UBE2E2: variants seen among roughly 807,000 people sequenced by gnomAD.
UBE2E2 encodes ubiquitin conjugating enzyme E2 E2.
In UBE2E2, 6 loss-of-function variants were observed where a neutral mutation model predicts 24.7. The ratio of observed to expected loss-of-function variants is 0.24; its 90% CI spans 0.13 to 0.48. The LOEUF (loss-of-function observed/expected upper bound fraction) is 0.48. UBE2E2 is among the 20% of genes least tolerant of loss of function. The probability of loss-of-function intolerance (pLI) is 0.99; values close to 1 mark genes in which losing one functional copy is unlikely to be tolerated. For missense variants in UBE2E2, 169 were observed against 245.0 expected (o/e 0.69, Z 2.07); for synonymous variants, 104 against 83.6 (o/e 1.24, Z -1.33).
chr3:23,361,806 C>T (rs147797648), intron 3 of UBE2E2, among the ~76,000 whole-genome samples: 7 of 151,140 alleles, frequency 4.6e-5, no homozygotes, highest in Non-Finnish European at 8.8e-5. Flanking sequence ...TCCCCAAAAA[C>T]TATTCATATA....
intron 5 of UBE2E2, among the ~76,000 whole-genome samples, chr3:23,588,527 C>A (rs747410838): frequency 6.6e-6 from 1 of 151,616 alleles, no homozygotes; most frequent in African/African-American, 2.4e-5. Flanking sequence ...AGCGATCCTG[C>A]TGCCTCAGCC....
Position 23,274,422 on chromosome 3 carries a change from G to C in UBE2E2, c.227+57110G>C, listed in dbSNP as rs554991108. 2.0e-5 allele frequency among the ~76,000 whole-genome samples: 3 copies of C among 152,172 alleles called. No homozygotes were observed. In the East Asian group the frequency reaches 5.8e-4, roughly 29 times the overall value. On this transcript the variant is annotated intron_variant, in intron 3 of 5. Transcript: ENST00000396703. ...CTGTGTTGCGGCAGGCTGCAGTGCA[G>C]TGGCAAGGTCACGGTTCACTGCATC...
At chr3:23,288,060 G>C (rs1256725130) in intron 3 of UBE2E2, among the ~76,000 whole-genome samples, 1 of 151,844 alleles carries the variant, frequency 6.6e-6, no homozygotes, top group Non-Finnish European at 1.5e-5. Flanking sequence ...CAGGCACTTG[G>C]AAGTATAAGC....
At chr3:23,384,225 C>T (rs1332337108) in intron 3 of UBE2E2, among the ~76,000 whole-genome samples, 1 of 152,180 alleles carries the variant, frequency 6.6e-6, no homozygotes, top group Non-Finnish European at 1.5e-5. Context: ...TATAGTGTCA[C>T]GAGCATGGCT....
intron 3 of UBE2E2, among the ~76,000 whole-genome samples, chr3:23,346,334 T>C (rs887167015): frequency 2.6e-5 from 4 of 152,236 alleles, no homozygotes; most frequent in African/African-American, 9.6e-5. Context: ...TTAGTACCTT[T>C]TATCTCTAGT....
intron 3 of UBE2E2, among the ~76,000 whole-genome samples, chr3:23,301,306 G>T (rs924829310): frequency 6.6e-6 from 1 of 152,190 alleles, no homozygotes; most frequent in Admixed American, 6.5e-5. Flanking sequence ...TCTCCGTCCA[G>T]CTTTGTTCTG....
intron 3 of UBE2E2, among the ~76,000 whole-genome samples, chr3:23,413,905 A>G (rs1416744768): frequency 1.3e-5 from 2 of 152,224 alleles, no homozygotes; most frequent in African/African-American, 4.8e-5. Context: ...AGAGATCAGT[A>G]TGAATGCATA....
chr3:23,231,989 C>T (rs1696986834), intron 3 of UBE2E2, among the ~76,000 whole-genome samples: 1 of 152,194 alleles, frequency 6.6e-6, no homozygotes, highest in Non-Finnish European at 1.5e-5. Flanking sequence ...GTTCAGCTGT[C>T]TGGAAGCCCT....
intron 4 of UBE2E2, among the ~76,000 whole-genome samples, chr3:23,508,291 T>G (rs1694499799): frequency 6.6e-6 from 1 of 152,254 alleles, no homozygotes; most frequent in Non-Finnish European, 1.5e-5. Flanking sequence ...ACCACCAGTT[T>G]AGTAATTACT....
chr3:23,502,509 G>A (rs1057501924), intron 4 of UBE2E2, among the ~76,000 whole-genome samples: 1 of 152,092 alleles, frequency 6.6e-6, no homozygotes, highest in Non-Finnish European at 1.5e-5. Context: ...GAGCTCAAAT[G>A]TAGCTTTTAA....
intron 5 of UBE2E2, among the ~76,000 whole-genome samples, chr3:23,585,916 T>TA (rs1250299983): frequency 1.3e-5 from 2 of 151,868 alleles, no homozygotes; most frequent in African/African-American, 2.4e-5. Context: ...TTTTTTTTTT[T>TA]ATTACCTTTT....
chr3:23,446,484 T>G (rs1698432233), intron 3 of UBE2E2, among the ~76,000 whole-genome samples: 1 of 152,142 alleles, frequency 6.6e-6, no homozygotes, highest in Non-Finnish European at 1.5e-5. Context: ...TTGAGTGAGA[T>G]CGTAAGAGTT....
rs532404280 is a variant in UBE2E2 at position 23,249,282 on chromosome 3, A to AT, written c.227+31970_227+31971insT. Reference sequence around the variant, plus strand: ...GCAAGACCCTGTCTCAAAAAAAAAAAAAAGAACCTAATTCTGGAGTAAGAT... The same window carrying AT: ...GCAAGACCCTGTCTCAAAAAAAAAAATAAAGAACCTAATTCTGGAGTAAGAT... On this transcript the variant is annotated intron_variant, in intron 3 of 5. Coordinates refer to ENST00000396703, the MANE Select transcript of UBE2E2 (RefSeq NM_152653.4). Among the ~76,000 whole-genome samples the AT allele has an allele frequency of 1.1e-4, 17 of 152,056 alleles. No individual in the cohort carries two copies. In the South Asian group the frequency reaches 2.9e-3, roughly 26 times the overall value.
intron 5 of UBE2E2, among the ~76,000 whole-genome samples, chr3:23,568,478 G>A (rs1283641963): frequency 1.3e-5 from 2 of 151,176 alleles, no homozygotes; most frequent in Non-Finnish European, 2.9e-5. Flanking sequence ...AGACAATCAG[G>A]ATAATCTTGT....
At chr3:23,266,002 G>A (rs1175951497) in intron 3 of UBE2E2, among the ~76,000 whole-genome samples, 1 of 152,138 alleles carries the variant, frequency 6.6e-6, no homozygotes, top group African/African-American at 2.4e-5. Context: ...TTGCTTGGTA[G>A]ATCTTCCTCC....
At chr3:23,423,654 T>A (rs1341236837) in intron 3 of UBE2E2, among the ~76,000 whole-genome samples, 1 of 152,220 alleles carries the variant, frequency 6.6e-6, no homozygotes, top group African/African-American at 2.4e-5. Flanking sequence ...GTGTATTTAT[T>A]TCTAGATCAG....
intron 3 of UBE2E2, among the ~76,000 whole-genome samples, chr3:23,320,764 T>C (rs1559346566): frequency 6.6e-6 from 1 of 152,342 alleles, no homozygotes. Flanking sequence ...AGCTGGACTC[T>C]TTGATTAATC....
chr3:23,577,647 A>G (rs906093796), intron 5 of UBE2E2, among the ~76,000 whole-genome samples: 2 of 152,274 alleles, frequency 1.3e-5, no homozygotes, highest in African/African-American at 4.8e-5. Flanking sequence ...CAAGTTGTCC[A>G]GAAGATCTAG....
At chr3:23,365,988 A>G (rs924094984) in intron 3 of UBE2E2, among the ~76,000 whole-genome samples, 2 of 152,182 alleles carry the variant, frequency 1.3e-5, no homozygotes, top group Non-Finnish European at 2.9e-5. Flanking sequence ...TCTTTGACAA[A>G]GTCGACAAAA....
Sources: allele counts gnomAD v4.1 joint callset (sites outside exome capture counted in the v4.1 genomes callset), GRCh38; gene constraint gnomAD v4.1.1; transcripts MANE v1.5; gene names NCBI Gene and HGNC (gene_info 2026-07-23, HGNC 2026-07-21).